The following SH3GL3 variants were observed in gnomAD, a reference collection of about 807,000 sequenced individuals.
SH3GL3 encodes the protein SH3 domain containing GRB2 like 3, endophilin A3.
In SH3GL3, 33 loss-of-function variants were observed where a neutral mutation model predicts 47.7. That is an observed-to-expected ratio of 0.69 (90% CI 0.52 to 0.92). The LOEUF (loss-of-function observed/expected upper bound fraction) is 0.92, where lower values mean the gene tolerates loss of function less well. SH3GL3 is among the 40% of genes least tolerant of loss of function. SH3GL3 has a pLI of 0.00. For missense variants in SH3GL3, 363 were observed against 417.8 expected (o/e 0.87, Z 1.14); for synonymous variants, 155 against 148.8 (o/e 1.04, Z -0.30).
At chr15:83,625,531 G>C in the SH3GL3 span, among the ~76,000 whole-genome samples, 1 of 152,098 alleles carries the variant, frequency 6.6e-6, no homozygotes, top group Non-Finnish European at 1.5e-5. Context: ...TCTTCCCCAG[G>C]AATTTAGAAT....
At chr15:83,594,412 C>T (rs1371794502) in intron 8 of SH3GL3, among the ~76,000 whole-genome samples, 1 of 152,130 alleles carries the variant, frequency 6.6e-6, no homozygotes, top group Non-Finnish European at 1.5e-5. Context: ...ACAGGGCATT[C>T]CCATATACTC....
intron 5 of SH3GL3, among the ~76,000 whole-genome samples, chr15:83,574,382 C>T (rs1168994000): frequency 1.3e-5 from 2 of 152,140 alleles, no homozygotes; most frequent in Non-Finnish European, 2.9e-5. Flanking sequence ...GGAAACATGT[C>T]CCTGTTGCTC....
At chr15:83,550,062 A>G (rs1196215302) in intron 1 of SH3GL3, among the ~76,000 whole-genome samples, 1 of 152,216 alleles carries the variant, frequency 6.6e-6, no homozygotes. Context: ...TTGCAAAACT[A>G]GTACAGAGAG....
chr15:83,539,254 A>G (rs147122437), intron 1 of SH3GL3, among the ~76,000 whole-genome samples: 120 of 152,344 alleles, frequency 7.9e-4, no homozygotes, highest in Middle Eastern at 3.4e-3. Flanking sequence ...TGGTAAGTCC[A>G]TAATCACTGC....
intron 1 of SH3GL3, among the ~76,000 whole-genome samples, chr15:83,494,557 T>A (rs1181561410): frequency 1.3e-5 from 2 of 151,930 alleles, no homozygotes; most frequent in African/African-American, 4.8e-5. Context: ...CCTTTTTTTT[T>A]TTTTGAGGTG....
intron 1 of SH3GL3, among the ~76,000 whole-genome samples, chr15:83,485,064 AC>A (rs1273720141): frequency 1.1e-4 from 16 of 152,234 alleles, no homozygotes; most frequent in Admixed American, 7.8e-4. Flanking sequence ...CTATTTTCTC[AC>A]CTTTGAATTC....
At chr15:83,567,965 TTTTCTTTCTTTC>T (rs1241934547) in intron 3 of SH3GL3, among the ~76,000 whole-genome samples, 4 of 148,948 alleles carry the variant, frequency 2.7e-5, no homozygotes, top group Non-Finnish European at 6.0e-5. Flanking sequence ...TTCTTTTTTT[TTTTCTTTCTTTC>T]TTTCTTTCTT....
the SH3GL3 span, among the ~76,000 whole-genome samples, chr15:83,624,789 G>T: frequency 6.6e-6 from 1 of 152,170 alleles, no homozygotes; most frequent in East Asian, 1.9e-4. Context: ...TTAAAAATTA[G>T]CCAGGCATGG....
intron 4 of SH3GL3, among the ~76,000 whole-genome samples, chr15:83,571,800 A>T (rs758132914): frequency 3.3e-5 from 5 of 152,236 alleles, no homozygotes; most frequent in Non-Finnish European, 5.9e-5. Flanking sequence ...ATTCTAGTGC[A>T]GCATTTCCCA....
At chr15:83,561,605 A>T (rs2045277518) in intron 2 of SH3GL3, among the ~76,000 whole-genome samples, 1 of 152,190 alleles carries the variant, frequency 6.6e-6, no homozygotes, top group Non-Finnish European at 1.5e-5. Context: ...TAACCACAAA[A>T]GATCGAAACA....
chr15:83,579,204 A>G (rs1400889041), intron 6 of SH3GL3, among the ~76,000 whole-genome samples: 1 of 152,244 alleles, frequency 6.6e-6, no homozygotes, highest in Admixed American at 6.5e-5. Context: ...CTGCCCCAGC[A>G]GAAGTAAGAG....
downstream of SH3GL3, among the ~76,000 whole-genome samples, chr15:83,620,386 C>T (rs544123756): frequency 1.3e-5 from 2 of 152,174 alleles, no homozygotes; most frequent in Admixed American, 1.3e-4. Flanking sequence ...TAGCTGTAGC[C>T]TTACAAGATG....
chr15:83,576,499 C>A, intron 5 of SH3GL3, 84 bp from the exon 6 acceptor site: 3 of 1,302,704 alleles, frequency 2.3e-6, no homozygotes, highest in South Asian at 1.6e-5. Flanking sequence ...CGAGAAAAAG[C>A]AATGACCATT....
Position 83,447,442 on chromosome 15 carries a change from GA to G in SH3GL3, c.-91del. Reference sequence around the variant, plus strand: ...GCCCGGCGGAGCCCAGCCGCGGGGGGACCGGCCCGGGCTCCCGCTCCCCGAG... The same window carrying G: ...GCCCGGCGGAGCCCAGCCGCGGGGGGCCGGCCCGGGCTCCCGCTCCCCGAG... On this transcript the variant is annotated 5_prime_UTR_variant, in exon 1 of 9. Coordinates refer to ENST00000427482, the MANE Select transcript of SH3GL3 (RefSeq NM_003027.5). The surrounding 1 kb of genome is among the most constrained non-coding windows in gnomAD (Gnocchi z 5.1). The G allele has an allele frequency of 8.8e-7, 1 of 1,140,478 alleles. No homozygotes were observed. The highest frequency in any genetic ancestry group is 1.1e-6 in the Non-Finnish European group (1 of 876,948). 70.6% of individuals were successfully genotyped at this position (1,140,478 alleles called of 1,614,324 possible).
At chr15:83,484,487 C>G (rs1385161606) in intron 1 of SH3GL3, among the ~76,000 whole-genome samples, 1 of 152,020 alleles carries the variant, frequency 6.6e-6, no homozygotes, top group African/African-American at 2.4e-5. Flanking sequence ...TTTAAAAAAT[C>G]CATATTAAAT....
chr15:83,503,382 A>G (rs2042368597), intron 1 of SH3GL3, among the ~76,000 whole-genome samples: 1 of 152,188 alleles, frequency 6.6e-6, no homozygotes, highest in South Asian at 2.1e-4. Flanking sequence ...GATCCACATC[A>G]TAATTTTTAG....
intron 6 of SH3GL3, among the ~76,000 whole-genome samples, chr15:83,577,700 A>G (rs568788458): frequency 4.5e-4 from 69 of 152,224 alleles, no homozygotes; most frequent in African/African-American, 1.5e-3. Flanking sequence ...CCCTGACTCA[A>G]TATCTTAAAT....
intron 5 of SH3GL3, among the ~76,000 whole-genome samples, chr15:83,574,937 C>T (rs566182556): frequency 2.0e-5 from 3 of 152,296 alleles, no homozygotes; most frequent in South Asian, 4.1e-4. Context: ...GTCATGAGCA[C>T]CGTTGCTTAC....
intron 8 of SH3GL3, among the ~76,000 whole-genome samples, chr15:83,589,810 A>G (rs2060047305): frequency 6.6e-6 from 1 of 152,142 alleles, no homozygotes; most frequent in African/African-American, 2.4e-5. Flanking sequence ...TAACAGCTTC[A>G]TAGTTTTCTA....
Sources: gnomAD v4.1 joint callset for allele counts (sites outside exome capture counted in the v4.1 genomes callset) on GRCh38, gnomAD v4.1.1 for gene constraint, Gnocchi (gnomAD v3.1) non-coding constraint, MANE v1.5 for transcripts, NCBI Gene and HGNC (gene_info 2026-07-23, HGNC 2026-07-21) for gene names.